Variants in FREM3 observed in about 807,000 individuals in gnomAD.
FREM3 encodes the protein FRAS1 related extracellular matrix 3.
In FREM3, 105 loss-of-function variants were observed where a neutral mutation model predicts 129.1. The ratio of observed to expected loss-of-function variants is 0.81; its 90% CI spans 0.69 to 0.96. The LOEUF (loss-of-function observed/expected upper bound fraction) is 0.96, where lower values mean the gene tolerates loss of function less well. Among genes scored for constraint, FREM3 ranks in the 40% least tolerant of loss-of-function variants. The pLI is 0.00. For missense variants in FREM3, 2,593 were observed against 2,666.3 expected (o/e 0.97, Z 0.61); for synonymous variants, 1,014 against 1,044.9 (o/e 0.97, Z 0.57).
intron 6 of FREM3, among the ~76,000 whole-genome samples, chr4:143,602,499 T>TA (rs1482382707): frequency 6.6e-6 from 1 of 152,102 alleles, no homozygotes; most frequent in African/African-American, 2.4e-5. Context: ...AAAAAAGTCA[T>TA]ACACTACAGC....
intron 2 of FREM3, among the ~76,000 whole-genome samples, chr4:143,636,214 GA>G (rs944690721): frequency 2.2e-5 from 3 of 138,058 alleles, no homozygotes; most frequent in African/African-American, 8.0e-5. Flanking sequence ...ATGTTCTAAA[GA>G]AAAAAAAAGA....
At chr4:143,626,056 G>T (rs1739032446) in intron 3 of FREM3, among the ~76,000 whole-genome samples, 1 of 152,154 alleles carries the variant, frequency 6.6e-6, no homozygotes, top group Admixed American at 6.5e-5. Context: ...GGATCCTGTG[G>T]TTCGACTATT....
intron 2 of FREM3, among the ~76,000 whole-genome samples, chr4:143,676,763 G>A (rs913193549): frequency 3.3e-5 from 5 of 152,198 alleles, no homozygotes; most frequent in Admixed American, 6.5e-5. Context: ...CAAACAGACC[G>A]CCAAATCATG....
At chr4:143,679,076 A>T (rs1290269105) in intron 2 of FREM3, among the ~76,000 whole-genome samples, 1 of 152,200 alleles carries the variant, frequency 6.6e-6, no homozygotes, top group Non-Finnish European at 1.5e-5. Context: ...TTAACCATGT[A>T]TATGCATTTA....
rs1046153014 is a variant in FREM3 at position 143,601,384 on chromosome 4, C to T, written c.6028+9895G>A. On this transcript the variant is annotated intron_variant, in intron 6 of 7. Coordinates refer to ENST00000329798, the MANE Select transcript of FREM3 (RefSeq NM_001168235.2). ...TGGTAATATTTATAGGGAAATTTTA[C>T]GCAAGTTTTCCAAATCCTACTGCCT... is the stretch of plus-strand genomic sequence containing the variant. Among the ~76,000 whole-genome samples, 9 of 152,242 alleles carry T rather than the reference C, an allele frequency of 5.9e-5. No homozygotes were observed. The South Asian group carries it at 1.2e-3, about 21-fold the overall frequency.
intron 5 of FREM3, among the ~76,000 whole-genome samples, chr4:143,614,734 T>G (rs982137866): frequency 6.6e-6 from 1 of 152,258 alleles, no homozygotes; most frequent in Non-Finnish European, 1.5e-5. Context: ...CATGGTGATG[T>G]GCTCTCCAAA....
chr4:143,699,594 C>T lies in FREM3; in HGVS notation c.1082G>A (p.Gly361Asp), dbSNP rs748462458. The change falls in exon 1 of 8, where the codon GGC (glycine) becomes GAC (aspartate). Residue 361 changes from glycine (G) to aspartate (D), a missense_variant. Gly to Asp is a moderately conservative substitution (Grantham distance 94). This residue lies in a region of FREM3 where 2,276 missense variants were observed against 2,267.2 expected (regional missense o/e 1.00). Coordinates refer to ENST00000329798, the MANE Select transcript of FREM3 (RefSeq NM_001168235.2). The surrounding 1 kb of genome is among the most constrained non-coding windows in gnomAD (Gnocchi z 4.2). The stretch of plus-strand genomic sequence containing the variant: ...AGGGTCGTCGGTGCTGACCACGTAG[C>T]CCTGTTGCCCCGGGTGCCCTGGTGG... ...THPPGHPGQQGYVVSTDDPLG... is the reference protein window; with the variant it reads ...THPPGHPGQQDYVVSTDDPLG... The T allele has an allele frequency of 5.9e-6, 9 of 1,531,006 alleles. No individual in the cohort carries two copies. Among genetic ancestry groups the T allele is most frequent in the Non-Finnish European group, 7.9e-6 (9 of 1,143,036 alleles). The allele number at this position is 1,531,006 out of a possible 1,614,324, so 94.8% of individuals were successfully genotyped here.
At chr4:143,595,771 C>G (rs193088640) in intron 6 of FREM3, among the ~76,000 whole-genome samples, 1 of 151,440 alleles carries the variant, frequency 6.6e-6, no homozygotes, top group African/African-American at 2.4e-5. Context: ...TCCTGTAGTC[C>G]CAGTTACTTG....
At chr4:143,672,584 C>G (rs1740019550) in intron 2 of FREM3, among the ~76,000 whole-genome samples, 1 of 152,194 alleles carries the variant, frequency 6.6e-6, no homozygotes, top group African/African-American at 2.4e-5. Flanking sequence ...AGTTGCTCTT[C>G]TCGAGGAGTA....
intron 7 of FREM3, among the ~76,000 whole-genome samples, chr4:143,584,106 A>T (rs1738194843): frequency 6.6e-6 from 1 of 152,262 alleles, no homozygotes; most frequent in African/African-American, 2.4e-5. Flanking sequence ...AAGTAAAGGG[A>T]TGGAGAAAAA....
Position 143,674,886 on chromosome 4 carries a change from A to G in FREM3, c.5275+18227T>C, listed in dbSNP as rs552967336. On this transcript the variant is annotated intron_variant, in intron 2 of 7. Transcript: ENST00000329798. ...ACCCAATACAGGAGCACCCAGATTCATAAAGCAAGTCCTGAGAGACATACA... is the reference window on the plus strand; with the variant it reads ...ACCCAATACAGGAGCACCCAGATTCGTAAAGCAAGTCCTGAGAGACATACA... Among the ~76,000 whole-genome samples the G allele has an allele frequency of 3.3e-5, 5 of 152,360 alleles. No homozygotes were observed. The South Asian group carries it at 1.0e-3, about 32-fold the overall frequency.
intron 6 of FREM3, among the ~76,000 whole-genome samples, chr4:143,595,259 C>T (rs879290285): frequency 1.3e-5 from 2 of 152,154 alleles, no homozygotes; most frequent in African/African-American, 2.4e-5. Flanking sequence ...ATTCTAGAAA[C>T]AGACGGGTAG....
chr4:143,678,672 G>A (rs1740193126), intron 2 of FREM3, among the ~76,000 whole-genome samples: 1 of 152,012 alleles, frequency 6.6e-6, no homozygotes, highest in African/African-American at 2.4e-5. Context: ...CTAAGAAAAA[G>A]TATGCAAGTA....
chr4:143,594,200 C>T (rs1382123953), intron 6 of FREM3, among the ~76,000 whole-genome samples: 1 of 152,350 alleles, frequency 6.6e-6, no homozygotes, highest in East Asian at 1.9e-4. Context: ...CCTGGTCCTG[C>T]TCCATCTCAC....
At position 143,697,558 on chromosome 4, in the gene FREM3, A is replaced by G; in HGVS notation, c.3118T>C (p.Ser1040Pro). The G allele has an allele frequency of 6.5e-7, 1 of 1,537,390 alleles. No individual in the cohort carries two copies. Among genetic ancestry groups the G allele is most frequent in the South Asian group, 1.2e-5 (1 of 84,052 alleles). ...ACTACCCATTGGTAAGAATCTTTGG[A>G]GAGGATGAGGCTGAAGGCATCGTGC... The part of the protein sequence containing the change: ...KQHDAFSLIL[S>P]KDSYQWVVGN... The change falls in exon 1 of 8, where the codon TCC becomes CCC. Residue 1040 changes from serine to proline, a missense_variant. Ser to Pro is a moderately conservative substitution (Grantham distance 74). This residue lies in a region of FREM3 where 2,276 missense variants were observed against 2,267.2 expected (regional missense o/e 1.00). Coordinates refer to ENST00000329798, the MANE Select transcript of FREM3 (RefSeq NM_001168235.2).
In FREM3 at chr4:143,696,368, C is replaced by G; in HGVS notation, c.4308G>C (p.Leu1436Phe). 1 of 1,537,322 alleles carries G rather than the reference C, an allele frequency of 6.5e-7. No individual in the cohort carries two copies. Residue 1436 changes from leucine to phenylalanine, a missense_variant, in exon 1 of 8, where the codon TTG (leucine) becomes TTC (phenylalanine). Coordinates refer to ENST00000329798, the MANE Select transcript of FREM3 (RefSeq NM_001168235.2). ...FPEVISKRIT[L>F]IEGARVTLTN... ...TAAGGGTCACTCTGGCACCTTCTATCAAGGTGATCCTTTTGCTGATTACCT... is the reference window on the plus strand; with the variant it reads ...TAAGGGTCACTCTGGCACCTTCTATGAAGGTGATCCTTTTGCTGATTACCT...
At chr4:143,683,970 T>C (rs1301365274) in intron 2 of FREM3, among the ~76,000 whole-genome samples, 1 of 152,026 alleles carries the variant, frequency 6.6e-6, no homozygotes, top group Non-Finnish European at 1.5e-5. Context: ...CCTGGGAACC[T>C]CACTCCCATT....
chr4:143,588,148 GC>G (rs1316285442), intron 6 of FREM3, among the ~76,000 whole-genome samples: 1 of 152,136 alleles, frequency 6.6e-6, no homozygotes, highest in Non-Finnish European at 1.5e-5. Context: ...ACATCATACT[GC>G]CCAAATGGTC....
At chr4:143,586,557 A>G (rs28583054) in intron 6 of FREM3, among the ~76,000 whole-genome samples, 54,561 of 151,972 alleles carry the variant, frequency 0.36, 10,044 homozygotes, top group Non-Finnish European at 0.38. Flanking sequence ...TCCCCAGGAG[A>G]CCAAGAAGTG....
Sources: allele counts gnomAD v4.1 joint callset (sites outside exome capture counted in the v4.1 genomes callset), GRCh38; gene constraint gnomAD v4.1.1; regional missense constraint gnomAD v4.1.1; non-coding constraint Gnocchi (gnomAD v3.1); transcripts MANE v1.5; gene names NCBI Gene and HGNC (gene_info 2026-07-23, HGNC 2026-07-21).